RARB: variants seen among roughly 807,000 people sequenced by gnomAD.
RARB encodes HBV-activated protein.
Under a neutral mutation model 51.9 loss-of-function variants are expected in RARB, and 17 were observed. That is an observed-to-expected ratio of 0.33 (90% confidence interval 0.22 to 0.49). The LOEUF is 0.49. Among genes scored for constraint, RARB ranks in the 20% least tolerant of loss-of-function variants. RARB has a pLI of 0.99. For synonymous variants in RARB, 215 were observed against 195.4 expected (o/e 1.10, Z -0.84); for missense variants, 369 against 550.8 (o/e 0.67, Z 3.30).
intron 2 of RARB, among the ~76,000 whole-genome samples, chr3:25,496,445 C>A (rs2125598852): frequency 6.6e-6 from 1 of 152,256 alleles, no homozygotes; most frequent in Non-Finnish European, 1.5e-5. Flanking sequence ...TAGGAACCAG[C>A]CTTTATACCT....
intron 4 of RARB, among the ~76,000 whole-genome samples, chr3:25,145,525 A>C (rs1700173640): frequency 6.6e-6 from 1 of 152,224 alleles, no homozygotes; most frequent in African/African-American, 2.4e-5. Context: ...GAAATTGTAC[A>C]GTTCAGCACT....
At chr3:25,333,255 C>G (rs1440946717) in intron 5 of RARB, among the ~76,000 whole-genome samples, 1 of 152,178 alleles carries the variant, frequency 6.6e-6, no homozygotes, top group African/African-American at 2.4e-5. Flanking sequence ...CTGGAGGCAT[C>G]ACGCTACCTG....
intron 4 of RARB, among the ~76,000 whole-genome samples, chr3:25,141,303 T>C (rs943832534): frequency 3.9e-5 from 6 of 152,022 alleles, no homozygotes; most frequent in Non-Finnish European, 8.8e-5. Context: ...AAATTCAATA[T>C]ACTAGATGAA....
intron 1 of RARB, 97 bp downstream of exon 1, chr3:25,428,985 A>G: frequency 7.3e-7 from 1 of 1,374,214 alleles, no homozygotes; most frequent in Non-Finnish European, 9.7e-7. Flanking sequence ...TGGTAGCAAG[A>G]CAAAGGATTT....
At chr3:25,068,743 A>C (rs1698712463) in intron 3 of RARB, among the ~76,000 whole-genome samples, 1 of 152,160 alleles carries the variant, frequency 6.6e-6, no homozygotes, top group Non-Finnish European at 1.5e-5. Flanking sequence ...TGATTGAGGC[A>C]AGAAGCACCA....
chr3:25,417,961 T>TGCCTCCCTCTGGGTTGCTGTCCTC (rs1390745366), intron 5 of RARB, among the ~76,000 whole-genome samples: 1,712 of 152,276 alleles, frequency 0.011, 26 homozygotes, highest in African/African-American at 0.039. Flanking sequence ...CTTGTGGCCT[T>TGCCTCCCTCTGGGTTGCTGTCCTC]GCCTCCCTCT....
chr3:25,527,069 C>T (rs1698683984), intron 3 of RARB, among the ~76,000 whole-genome samples: 1 of 152,182 alleles, frequency 6.6e-6, no homozygotes, highest in African/African-American at 2.4e-5. Context: ...AGCAGTGCTT[C>T]TCAAATGGAC....
chr3:24,921,310 C>G (rs1695211767), intron 2 of RARB, among the ~76,000 whole-genome samples: 1 of 152,088 alleles, frequency 6.6e-6, no homozygotes, highest in Admixed American at 6.6e-5. Flanking sequence ...GCTTTTACCC[C>G]AGTGTAACGA....
chr3:25,176,933 G>T (rs1234949431), intron 5 of RARB, among the ~76,000 whole-genome samples: 1 of 152,156 alleles, frequency 6.6e-6, no homozygotes. Context: ...AAAAGCGAGG[G>T]TTTGAAGTTC....
intron 1 of RARB, among the ~76,000 whole-genome samples, chr3:25,453,772 C>G (rs909296638): frequency 1.3e-5 from 2 of 152,174 alleles, no homozygotes; most frequent in African/African-American, 4.8e-5. Flanking sequence ...CCGGCAAACA[C>G]ACACTTCTTT....
intron 2 of RARB, among the ~76,000 whole-genome samples, chr3:24,861,176 C>A (rs1441869528): frequency 6.6e-6 from 1 of 152,090 alleles, no homozygotes; most frequent in Non-Finnish European, 1.5e-5. Context: ...GTCATTATTC[C>A]CTAAATAGTA....
chr3:25,041,022 C>T (rs1293265219), intron 2 of RARB, among the ~76,000 whole-genome samples: 1 of 152,192 alleles, frequency 6.6e-6, no homozygotes, highest in African/African-American at 2.4e-5. Context: ...AAAGAAGGTA[C>T]TACAAAAGTA....
rs112855306 is a variant in RARB, at chr3:24,913,021, C to G, written c.-380+54269C>G. Among the ~76,000 whole-genome samples, 101 of 92,980 alleles carry G rather than the reference C, an allele frequency of 1.1e-3. 1 individual carries two copies. The highest frequency in any genetic ancestry group is 3.4e-3 in the African/African-American group (99 of 29,328). The allele number at this position is 92,980 out of a possible 152,430, so 61.0% of individuals were successfully genotyped here. A position where few individuals can be genotyped will look rare whatever the true frequency, so the allele number is the denominator to read the frequency against. ...TTGGAGACAGAGTCTCGCTCTGTCGCTCAGGCTGGAGTGCAGTGGCGCCTT... is the reference window on the plus strand; with the variant it reads ...TTGGAGACAGAGTCTCGCTCTGTCGGTCAGGCTGGAGTGCAGTGGCGCCTT... On this transcript the variant is annotated intron_variant, in intron 2 of 11. Transcript: ENST00000383772.
chr3:25,521,590 A>AAT (rs201750844), intron 3 of RARB, among the ~76,000 whole-genome samples: 5,878 of 152,296 alleles, frequency 0.039, 151 homozygotes, highest in Non-Finnish European at 0.058. Context: ...GGAAGGAATG[A>AAT]ATATACAGTA....
In RARB at chr3:24,966,097, A is replaced by ATT. The variant is rs1225973734; in HGVS notation, c.-379-94015_-379-94014dup. On this transcript the variant is annotated intron_variant, in intron 2 of 11. Transcript: ENST00000383772. Reference sequence around the variant, plus strand: ...ACTAAAGAGGCACCTTTATCTTTGAATTTTTTTTTTTTTTGGTTATTTTAG... The same window carrying ATT: ...ACTAAAGAGGCACCTTTATCTTTGAATTTTTTTTTTTTTTTTGGTTATTTTAG... Among the ~76,000 whole-genome samples, 467 of 85,594 alleles carry ATT rather than the reference A, an allele frequency of 5.5e-3. 9 individuals are homozygous for ATT. The East Asian group carries it at 0.081, about 15-fold the overall frequency. 56.2% of individuals were successfully genotyped at this position (85,594 alleles called of 152,430 possible). A position where few individuals can be genotyped will look rare whatever the true frequency, so the allele number is the denominator to read the frequency against.
intron 5 of RARB, among the ~76,000 whole-genome samples, chr3:25,296,735 A>G (rs1703924226): frequency 6.6e-6 from 1 of 152,116 alleles, no homozygotes; most frequent in Admixed American, 6.5e-5. Flanking sequence ...ATGGATCTCT[A>G]ACTCTGACCC....
intron 2 of RARB, among the ~76,000 whole-genome samples, chr3:24,883,355 A>G (rs1401879861): frequency 6.0e-5 from 4 of 66,992 alleles, no homozygotes; most frequent in Non-Finnish European, 1.4e-4. Context: ...TTCAACAATC[A>G]TTGTGTGTGT....
intron 2 of RARB, among the ~76,000 whole-genome samples, chr3:24,941,530 C>G (rs544744400): frequency 6.6e-6 from 1 of 152,058 alleles, no homozygotes; most frequent in African/African-American, 2.4e-5. Flanking sequence ...CCAGCATGCC[C>G]GGCTCATTTT....
At chr3:25,554,808 G>A (rs895850598) in intron 3 of RARB, among the ~76,000 whole-genome samples, 1 of 152,156 alleles carries the variant, frequency 6.6e-6, no homozygotes, top group Non-Finnish European at 1.5e-5. Context: ...TCTTTTTGCT[G>A]ATAGGGAATC....
Sources: gnomAD v4.1 joint callset for allele counts (sites outside exome capture counted in the v4.1 genomes callset) on GRCh38, gnomAD v4.1.1 for gene constraint, MANE v1.5 for transcripts, NCBI Gene and HGNC (gene_info 2026-07-23, HGNC 2026-07-21) for gene names.